ZEB1: variants seen among roughly 807,000 people sequenced by gnomAD.
The protein encoded by ZEB1 is zinc finger E-box-binding homeobox 1.
A neutral mutation model predicts 84.9 loss-of-function variants in ZEB1; 21 were observed. That is an observed-to-expected ratio of 0.25 (90% CI 0.18 to 0.36). The LOEUF is 0.36. Among genes scored for constraint, ZEB1 ranks in the 10% least tolerant of loss-of-function variants. The probability of loss-of-function intolerance (pLI) is 1.00; values close to 1 mark genes in which losing one functional copy is unlikely to be tolerated. For missense variants in ZEB1, 1,104 were observed against 1,330.2 expected (o/e 0.83, Z 2.65); for synonymous variants, 420 against 471.1 (o/e 0.89, Z 1.41).
At chr10:31,382,205 C>T (rs1215582662) in intron 1 of ZEB1, among the ~76,000 whole-genome samples, 7 of 151,712 alleles carry the variant, frequency 4.6e-5, no homozygotes, top group Non-Finnish European at 1.0e-4. Context: ...GTGAAACCAG[C>T]CCCTTTACTA....
intron 8 of ZEB1, 86 bp from the exon 9 acceptor site, chr10:31,526,586 C>A: frequency 6.6e-7 from 1 of 1,511,184 alleles, no homozygotes; most frequent in Non-Finnish European, 9.0e-7. Flanking sequence ...CCTCCCCTTT[C>A]TACAACATGA....
chr10:31,486,344 A>C (rs1347552285), intron 2 of ZEB1, among the ~76,000 whole-genome samples: 1 of 151,732 alleles, frequency 6.6e-6, no homozygotes, highest in Non-Finnish European at 1.5e-5. Context: ...CACCAGTAAT[A>C]AATAAGAGAT....
chr10:31,501,495 C>G lies in ZEB1; in HGVS notation c.323-853C>G, dbSNP rs915104771. ...AAAGAGTTTTCATAGATTTGATACC[C>G]TTTGATGCTTATTAGAAATCCTTCT... On this transcript the variant is annotated intron_variant, in intron 3 of 8. Coordinates refer to ENST00000424869, the MANE Select transcript of ZEB1 (RefSeq NM_001174096.2). Among the ~76,000 whole-genome samples, 4 of 152,286 alleles carry G rather than the reference C, an allele frequency of 2.6e-5. No homozygotes were observed. In the East Asian group the frequency reaches 5.8e-4, roughly 22 times the overall value.
chr10:31,410,812 T>C (rs1438059674), intron 1 of ZEB1, among the ~76,000 whole-genome samples: 1 of 152,250 alleles, frequency 6.6e-6, no homozygotes, highest in African/African-American at 2.4e-5. Flanking sequence ...TATAGTATTC[T>C]CTGATGGTAG....
intron 4 of ZEB1, among the ~76,000 whole-genome samples, chr10:31,509,189 A>T (rs868311731): frequency 2.0e-5 from 3 of 152,066 alleles, no homozygotes; most frequent in Admixed American, 6.5e-5. Context: ...CTTAGAACTC[A>T]GGGGGTGTAC....
chr10:31,467,167 A>G (rs867598719), intron 2 of ZEB1, among the ~76,000 whole-genome samples: 2 of 152,260 alleles, frequency 1.3e-5, no homozygotes, highest in African/African-American at 4.8e-5. Context: ...CCACTTTCCC[A>G]CTGTCAACCT....
intron 2 of ZEB1, among the ~76,000 whole-genome samples, chr10:31,476,673 A>T (rs530676897): frequency 6.6e-6 from 1 of 152,200 alleles, no homozygotes; most frequent in African/African-American, 2.4e-5. Flanking sequence ...AATTCTAGCA[A>T]ACCAGATTTA....
At chr10:31,406,805 T>C (rs1309565237) in intron 1 of ZEB1, among the ~76,000 whole-genome samples, 1 of 152,176 alleles carries the variant, frequency 6.6e-6, no homozygotes, top group Non-Finnish European at 1.5e-5. Context: ...GTTTTTCTTC[T>C]AGAGTTTTTT....
At chr10:31,508,235 G>A (rs113567477) in intron 4 of ZEB1, among the ~76,000 whole-genome samples, 18 of 152,134 alleles carry the variant, frequency 1.2e-4, no homozygotes, top group Non-Finnish European at 2.4e-4. Flanking sequence ...GACACCTTGT[G>A]TTAGCAGGTC....
At chr10:31,463,015 C>T (rs2061986890) in intron 2 of ZEB1, among the ~76,000 whole-genome samples, 1 of 152,134 alleles carries the variant, frequency 6.6e-6, no homozygotes, top group East Asian at 1.9e-4. Flanking sequence ...TTGACTTGCT[C>T]ACTTATGGCA....
chr10:31,357,818 A>AT (rs1379384413), intron 1 of ZEB1, among the ~76,000 whole-genome samples: 2 of 152,072 alleles, frequency 1.3e-5, no homozygotes, highest in Non-Finnish European at 2.9e-5. Flanking sequence ...TGGCTCAGTG[A>AT]TTTTTTTCAA....
At chr10:31,374,923 C>T (rs1034983032) in intron 1 of ZEB1, 5 of 151,700 alleles carry the variant, frequency 3.3e-5, no homozygotes, top group Non-Finnish European at 7.4e-5. Context: ...CACTGATTTC[C>T]TCAACTGAAT....
chr10:31,457,405 T>G (rs1187054669), intron 1 of ZEB1, among the ~76,000 whole-genome samples: 1 of 152,140 alleles, frequency 6.6e-6, no homozygotes, highest in African/African-American at 2.4e-5. Context: ...TATCAGCAGT[T>G]TTCACTGTTT....
Position 31,323,135 on chromosome 10 carries a change from A to G in ZEB1, c.58+3843A>G, listed in dbSNP as rs1227867456. On this transcript the variant is annotated intron_variant, in intron 1 of 8. Coordinates refer to ENST00000424869, the MANE Select transcript of ZEB1 (RefSeq NM_001174096.2). Reference sequence around the variant, plus strand: ...ATTGCTGTTAATTCATTCTTGTTTTAGAGCAGTTGTATTACTCCTTATTTT... The same window carrying G: ...ATTGCTGTTAATTCATTCTTGTTTTGGAGCAGTTGTATTACTCCTTATTTT... 2.6e-5 allele frequency among the ~76,000 whole-genome samples: 4 copies of G among 152,262 alleles called. 1 individual carries two copies. Among genetic ancestry groups the G allele is most frequent in the Admixed American group, 2.0e-4 (3 of 15,286 alleles).
Position 31,457,122 on chromosome 10 carries a change from A to T in ZEB1, c.59-3915A>T, listed in dbSNP as rs2061329720. 2.6e-5 allele frequency among the ~76,000 whole-genome samples: 4 copies of T among 152,202 alleles called. No homozygotes were observed. The South Asian group carries it at 8.3e-4, about 31-fold the overall frequency. On this transcript the variant is annotated intron_variant, in intron 1 of 8. Transcript: ENST00000424869. Reference sequence around the variant, plus strand: ...CATATTTTAATTAAAATCAGAATCAAGATGTGATGATCACCTATGATTGTT... The same window carrying T: ...CATATTTTAATTAAAATCAGAATCATGATGTGATGATCACCTATGATTGTT...
At chr10:31,377,037 C>T (rs965995033) in intron 1 of ZEB1, among the ~76,000 whole-genome samples, 1 of 149,566 alleles carries the variant, frequency 6.7e-6, no homozygotes, top group East Asian at 2.0e-4. Flanking sequence ...TCAGCAGTCA[C>T]TCAAAGGCTT....
intron 1 of ZEB1, among the ~76,000 whole-genome samples, chr10:31,429,284 G>C (rs1044071411): frequency 6.6e-6 from 1 of 152,148 alleles, no homozygotes; most frequent in Non-Finnish European, 1.5e-5. Context: ...GCATTTGCTT[G>C]TCTGAAAAGG....
At chr10:31,361,245 T>C in intron 1 of ZEB1, 1 of 1,600,916 alleles carries the variant, frequency 6.2e-7, no homozygotes, top group Non-Finnish European at 8.5e-7. Flanking sequence ...CAGGCTGGAG[T>C]GCAGTGGTGC....
chr10:31,463,915 G>C (rs2062089216), intron 2 of ZEB1, among the ~76,000 whole-genome samples: 1 of 152,136 alleles, frequency 6.6e-6, no homozygotes, highest in Admixed American at 6.5e-5. Context: ...GAAACAAAAG[G>C]AAGCAGAAAC....
Sources: allele counts gnomAD v4.1 joint callset (sites outside exome capture counted in the v4.1 genomes callset), GRCh38; gene constraint gnomAD v4.1.1; transcripts MANE v1.5; gene names NCBI Gene and HGNC (gene_info 2026-07-23, HGNC 2026-07-21).